The following ABCC5 variants were observed in gnomAD, a reference collection of about 807,000 sequenced individuals.
ABCC5 encodes ATP binding cassette subfamily C member 5.
A neutral mutation model predicts 160.9 loss-of-function variants in ABCC5; 61 were observed. The ratio of observed to expected loss-of-function variants is 0.38; its 90% CI spans 0.31 to 0.47. The LOEUF is 0.47. Ranked by LOEUF, ABCC5 falls within the 20% of genes least tolerant of loss-of-function variation. The probability of loss-of-function intolerance (pLI) is 0.99; values close to 1 mark genes in which losing one functional copy is unlikely to be tolerated. For missense variants in ABCC5, 1,308 were observed against 1,813.3 expected (o/e 0.72, Z 5.06); for synonymous variants, 666 against 700.6 (o/e 0.95, Z 0.78).
At chr3:184,013,412 C>T (rs35242282) in intron 2 of ABCC5, among the ~76,000 whole-genome samples, 8,160 of 152,078 alleles carry the variant, frequency 0.054, 270 homozygotes, top group Middle Eastern at 0.078. Context: ...CACCACCACA[C>T]CTCACTAATT....
chr3:184,005,756 T>C (rs1721140090), intron 2 of ABCC5, among the ~76,000 whole-genome samples: 1 of 152,102 alleles, frequency 6.6e-6, no homozygotes, highest in South Asian at 2.1e-4. Flanking sequence ...GTTGTGTACA[T>C]GTACCCTAGA....
At position 183,988,504 on chromosome 3, in the gene ABCC5, T is replaced by C. The variant is rs1420123683; in HGVS notation, c.443+68A>G. ...TCTTTAAAGACACAGAGCTGTGGAC[T>C]TCACACTCCTAGCTCAGGCCCTGCC... On this transcript the variant is annotated intron_variant, in intron 4 of 29. Transcript: ENST00000334444. This position sits in a 1 kb window ranked among gnomAD's most constrained non-coding sequence, Gnocchi z 4.4. The C allele has an allele frequency of 5.2e-6, 8 of 1,539,288 alleles. No homozygotes were observed. The highest frequency in any genetic ancestry group is 1.4e-5 in the African/African-American group (1 of 72,282).
Position 183,959,801 on chromosome 3 carries a change from T to G in ABCC5, c.2414A>C (p.Lys805Thr). Residue 805 changes from lysine (K) to threonine (T), a missense_variant, in exon 17 of 30, where the codon AAG (lysine) becomes ACG (threonine). By Grantham distance (78) the Lys-to-Thr change is moderately conservative. This residue lies in a region of ABCC5 where 1,142 missense variants were observed against 1,527.1 expected (regional missense o/e 0.75). Transcript: ENST00000334444. ...TTTAGGACCCTTGTCTTGTGACTTC[T>G]TCTGTGAACCACTGGTTTCCTTTTT... ...NSKKETSGSQ[K>T]KSQDKGPKTG... The G allele has an allele frequency of 6.2e-7, 1 of 1,612,696 alleles. No individual in the cohort carries two copies. Among genetic ancestry groups the G allele is most frequent in the Non-Finnish European group, 8.5e-7 (1 of 1,179,386 alleles).
chr3:183,970,604 T>C (rs1478203005), intron 11 of ABCC5, among the ~76,000 whole-genome samples: 1 of 152,004 alleles, frequency 6.6e-6, no homozygotes, highest in Non-Finnish European at 1.5e-5. Context: ...AGCTGGCTAA[T>C]TTTCCTAGTT....
rs910904200 is a variant in ABCC5 at position 183,949,412 on chromosome 3, T to A, written c.3227+341A>T. The stretch of plus-strand genomic sequence containing the variant: ...TAGACTCCTAATCTGTGGGGTTTGT[T>A]CCTTGTATTTTGTTTTGAGATGGGG... On this transcript the variant is annotated intron_variant, in intron 22 of 29. Transcript: ENST00000334444. The surrounding 1 kb of genome is among the most constrained non-coding windows in gnomAD (Gnocchi z 4.2). 1.3e-5 allele frequency among the ~76,000 whole-genome samples: 2 copies of A among 152,214 alleles called. No homozygotes were observed. Among genetic ancestry groups the A allele is most frequent in the African/African-American group, 4.8e-5 (2 of 41,464 alleles).
chr3:183,956,425 G>A (rs1715972174), intron 17 of ABCC5, among the ~76,000 whole-genome samples: 2 of 151,490 alleles, frequency 1.3e-5, no homozygotes, highest in African/African-American at 4.9e-5. Flanking sequence ...TATCATATCG[G>A]TTACATGCAG....
rs907991535 is a variant in ABCC5, at chr3:183,949,077, C to T, written c.3227+676G>A. 6.6e-6 allele frequency among the ~76,000 whole-genome samples: 1 copy of T among 152,194 alleles called. No individual in the cohort carries two copies. Among genetic ancestry groups the T allele is most frequent in the Non-Finnish European group, 1.5e-5 (1 of 68,038 alleles). On this transcript the variant is annotated intron_variant, in intron 22 of 29. Transcript: ENST00000334444. The surrounding 1 kb of genome is among the most constrained non-coding windows in gnomAD (Gnocchi z 4.2). ...CAATATATTAATACACACATCTGTA[C>T]TCTGCTGTTTCACTAATATATGCTG...
chr3:183,962,510 G>A (rs1716855923), intron 15 of ABCC5, among the ~76,000 whole-genome samples: 2 of 151,580 alleles, frequency 1.3e-5, no homozygotes, highest in Non-Finnish European at 2.9e-5. Flanking sequence ...ATAGTATAAG[G>A]AGCAGTTCCT....
chr3:183,965,391 T>C lies in ABCC5; in HGVS notation c.1944A>G (p.Glu648=). 1 of 1,614,096 alleles carries C rather than the reference T, an allele frequency of 6.2e-7. No individual in the cohort carries two copies. ...TLRDNILFGK[E]YDEERYNSVL... ...ACATTCCTTGCCTTTCTTCATCATA[T>C]TCCTTCCCAAACAGGATGTTGTCTC... Residue 648 remains glutamate, a synonymous_variant, in exon 13 of 30, where the codon GAA becomes GAG. Transcript: ENST00000334444.
intron 17 of ABCC5, among the ~76,000 whole-genome samples, chr3:183,956,631 C>T (rs1339817651): frequency 1.4e-5 from 2 of 147,462 alleles, no homozygotes; most frequent in Admixed American, 6.8e-5. Flanking sequence ...CATGCAGATC[C>T]GTGTGTAAAT....
Position 183,951,974 on chromosome 3 carries a change from G to A in ABCC5, c.2697C>T (p.Thr899=). Residue 899 remains threonine, a synonymous_variant, in exon 19 of 30, where the codon ACC becomes ACT. Coordinates refer to ENST00000334444, the MANE Select transcript of ABCC5 (RefSeq NM_005688.4). This position sits in a 1 kb window ranked among gnomAD's most constrained non-coding sequence, Gnocchi z 4.7. The part of the protein sequence containing the change: ...GNTTVTRGNE[T]SVSDSMKDNP... ...TGTCCTTCATGCTGTCACTCACCGA[G>A]GTCTCGTTCCCTCGAGTCACAGTGG... is the stretch of plus-strand genomic sequence containing the variant. 2 of 1,612,350 alleles carry A rather than the reference G, an allele frequency of 1.2e-6. No homozygotes were observed. Among genetic ancestry groups the A allele is most frequent in the Non-Finnish European group, 1.7e-6 (2 of 1,178,640 alleles).
At chr3:183,979,898 G>A (rs866946535) in intron 8 of ABCC5, among the ~76,000 whole-genome samples, 6 of 150,382 alleles carry the variant, frequency 4.0e-5, no homozygotes, top group African/African-American at 1.2e-4. Flanking sequence ...TTTTTAAGAC[G>A]GGAGTCTCAC....
At chr3:184,004,460 A>C (rs1342578378) in intron 2 of ABCC5, among the ~76,000 whole-genome samples, 1 of 148,906 alleles carries the variant, frequency 6.7e-6, no homozygotes, top group East Asian at 2.0e-4. Context: ...GCAGTGAGCC[A>C]AGACCATGCC....
At chr3:183,978,873 C>A (rs1268161775) in intron 8 of ABCC5, among the ~76,000 whole-genome samples, 1 of 152,194 alleles carries the variant, frequency 6.6e-6, no homozygotes, top group Non-Finnish European at 1.5e-5. Flanking sequence ...ACTCAATCAT[C>A]ATCTTCTATG....
At position 183,963,285 on chromosome 3, in the gene ABCC5, G is replaced by C; in HGVS notation, c.2235+100C>G. On this transcript the variant is annotated intron_variant, in intron 15 of 29. Transcript: ENST00000334444. This position sits in a 1 kb window ranked among gnomAD's most constrained non-coding sequence, Gnocchi z 4.6. ...TAAGAAAATGAAACCTTGATTCCAG[G>C]AATTTCTAGTTATAACACAAGGATA... The C allele has an allele frequency of 7.7e-7, 1 of 1,302,144 alleles. No individual in the cohort carries two copies. The highest frequency in any genetic ancestry group is 1.1e-6 in the Non-Finnish European group (1 of 908,136). 80.7% of individuals were successfully genotyped at this position (1,302,144 alleles called of 1,614,324 possible).
At chr3:183,957,010 G>A (rs200474009) in intron 17 of ABCC5, among the ~76,000 whole-genome samples, 65 of 108,884 alleles carry the variant, frequency 6.0e-4, no homozygotes, top group East Asian at 1.3e-3. Flanking sequence ...GGTTACATGC[G>A]GATCCGTGTG....
At chr3:183,978,378 G>T in intron 9 of ABCC5, 125 bp downstream of exon 9, 2 of 1,080,988 alleles carry the variant, frequency 1.9e-6, no homozygotes, top group East Asian at 2.4e-5. Flanking sequence ...CCCCAGGCTG[G>T]AGTGCAATGG....
At chr3:183,944,438 A>C (rs998300767) in intron 24 of ABCC5, among the ~76,000 whole-genome samples, 36 of 151,886 alleles carry the variant, frequency 2.4e-4, no homozygotes, top group African/African-American at 6.3e-4. Context: ...GGAAAAAAAG[A>C]AAAAAAGCTA....
At chr3:183,933,165 CAAAAAAA>C (rs55863712) in intron 26 of ABCC5, among the ~76,000 whole-genome samples, 16 of 73,740 alleles carry the variant, frequency 2.2e-4, no homozygotes, top group South Asian at 2.1e-3. Context: ...GAGACTGTCT[CAAAAAAA>C]AAAAAAAAAA....
Sources: gnomAD v4.1 joint callset for allele counts (sites outside exome capture counted in the v4.1 genomes callset) on GRCh38, gnomAD v4.1.1 for gene constraint, gnomAD v4.1.1 regional missense constraint, Gnocchi (gnomAD v3.1) non-coding constraint, MANE v1.5 for transcripts, NCBI Gene and HGNC (gene_info 2026-07-23, HGNC 2026-07-21) for gene names.